Variants in SGCD observed in about 807,000 individuals in gnomAD.
SGCD encodes delta-sarcoglycan.
Under a neutral mutation model 36.6 loss-of-function variants are expected in SGCD, and 18 were observed. The ratio of observed to expected loss-of-function variants is 0.49; its 90% CI spans 0.34 to 0.73. The LOEUF (loss-of-function observed/expected upper bound fraction) is 0.73. Ranked by LOEUF, SGCD falls within the 30% of genes least tolerant of loss-of-function variation. The probability of loss-of-function intolerance (pLI) is 0.01; values close to 1 mark genes in which losing one functional copy is unlikely to be tolerated. For synonymous variants in SGCD, 133 were observed against 130.6 expected (o/e 1.02, Z -0.12); for missense variants, 387 against 346.7 (o/e 1.12, Z -0.92).
At chr5:156,077,240 T>C (rs76838101) in intron 1 of SGCD, among the ~76,000 whole-genome samples, 12,780 of 152,192 alleles carry the variant, frequency 0.084, 1,697 homozygotes, top group African/African-American at 0.28. Context: ...CTCTTTCCTA[T>C]CCTTTAGGAC....
chr5:156,603,101 C>T (rs963196587), intron 6 of SGCD, among the ~76,000 whole-genome samples: 4 of 152,026 alleles, frequency 2.6e-5, no homozygotes, highest in African/African-American at 9.7e-5. Context: ...ACTTTTATTA[C>T]TGATTAAATT....
At chr5:156,035,487 A>G (rs146184339) in intron 1 of SGCD, among the ~76,000 whole-genome samples, 340 of 152,172 alleles carry the variant, frequency 2.2e-3, no homozygotes, top group African/African-American at 7.6e-3. Context: ...GCACATGCCT[A>G]TATTTGCAGT....
chr5:156,299,826 CT>C (rs1208865477), intron 3 of SGCD, among the ~76,000 whole-genome samples: 2 of 151,968 alleles, frequency 1.3e-5, no homozygotes. Context: ...CAGTTCTAAT[CT>C]TTTTTTGGTG....
chr5:156,157,655 T>C (rs1455326787), intron 3 of SGCD, among the ~76,000 whole-genome samples: 1 of 151,792 alleles, frequency 6.6e-6, no homozygotes, highest in Non-Finnish European at 1.5e-5. Flanking sequence ...TTCTCCATTC[T>C]GGTTGTCTTC....
chr5:156,391,696 A>G (rs1278674414), intron 3 of SGCD, among the ~76,000 whole-genome samples: 3 of 152,316 alleles, frequency 2.0e-5, no homozygotes, highest in Non-Finnish European at 4.4e-5. Context: ...GCATCTGTGG[A>G]TTTTGGTATC....
At chr5:156,580,854 A>G (rs117914004) in intron 4 of SGCD, among the ~76,000 whole-genome samples, 3,124 of 152,244 alleles carry the variant, frequency 0.021, 129 homozygotes, top group East Asian at 0.17. Flanking sequence ...ACATCCTCCT[A>G]TAGCTCGGAG....
chr5:155,981,304 A>T (rs886281573), intron 1 of SGCD, among the ~76,000 whole-genome samples: 2 of 152,158 alleles, frequency 1.3e-5, no homozygotes, highest in African/African-American at 4.8e-5. Flanking sequence ...TTAGGTCCAG[A>T]TGTGTCTGCT....
chr5:155,904,674 T>C (rs945059899), intron 1 of SGCD, among the ~76,000 whole-genome samples: 1 of 152,186 alleles, frequency 6.6e-6, no homozygotes, highest in Non-Finnish European at 1.5e-5. Flanking sequence ...GACAGATATA[T>C]GCCTGTTGAC....
chr5:155,881,716 C>G (rs2113296632), intron 1 of SGCD, among the ~76,000 whole-genome samples: 2 of 152,326 alleles, frequency 1.3e-5, no homozygotes, highest in Middle Eastern at 6.8e-3. Context: ...AGTAAATCTT[C>G]TTTCAAAATT....
At chr5:156,166,463 C>T (rs983011919) in intron 3 of SGCD, among the ~76,000 whole-genome samples, 3 of 152,092 alleles carry the variant, frequency 2.0e-5, no homozygotes, top group Non-Finnish European at 4.4e-5. Context: ...ACTACAGATG[C>T]CAGACACCAC....
chr5:156,259,539 C>T lies in SGCD; in HGVS notation c.-43-69995C>T, dbSNP rs76069586. 9.1e-3 allele frequency among the ~76,000 whole-genome samples: 1,377 copies of T among 151,904 alleles called. 15 individuals are homozygous for T. The highest frequency in any genetic ancestry group is 0.032 in the African/African-American group (1,329 of 41,416). On this transcript the variant is annotated intron_variant, in intron 3 of 9. Coordinates refer to the SGCD transcript ENST00000517913. ...TAAACATTGCAAATATATTCTTGTT[C>T]ATTTTTTTACAGCTTTATGGTTTGG...
At chr5:155,957,114 A>AG (rs35903957) in intron 1 of SGCD, among the ~76,000 whole-genome samples, 45,295 of 151,834 alleles carry the variant, frequency 0.3, 8,530 homozygotes, top group African/African-American at 0.5. Flanking sequence ...TTCACTGAGA[A>AG]TGACATTTGA....
rs562096805 is a variant in SGCD at position 155,980,026 on chromosome 5, G to A, written c.-282+109602G>A. On this transcript the variant is annotated intron_variant, in intron 1 of 9. Coordinates refer to the SGCD transcript ENST00000517913. The stretch of plus-strand genomic sequence containing the variant: ...TCCAAATTGCATTTTGACATTAGAA[G>A]GGGATATAGAGACCAGAGCTCTCTC... 1.1e-4 allele frequency among the ~76,000 whole-genome samples: 16 copies of A among 152,214 alleles called. No homozygotes were observed. In the South Asian group the frequency reaches 3.1e-3, roughly 30 times the overall value.
intron 1 of SGCD, among the ~76,000 whole-genome samples, chr5:156,117,555 G>T (rs1761933806): frequency 6.6e-6 from 1 of 152,142 alleles, no homozygotes; most frequent in African/African-American, 2.4e-5. Flanking sequence ...ATTTGACAAT[G>T]AATATTGGCA....
At chr5:156,405,949 A>T (rs1478294863) in intron 3 of SGCD, among the ~76,000 whole-genome samples, 1 of 146,828 alleles carries the variant, frequency 6.8e-6, no homozygotes, top group Non-Finnish European at 1.5e-5. Flanking sequence ...ATTGATCAAC[A>T]CGCCTCTTGG....
At chr5:156,159,184 G>C (rs1434308964) in intron 3 of SGCD, among the ~76,000 whole-genome samples, 1 of 151,568 alleles carries the variant, frequency 6.6e-6, no homozygotes, top group Non-Finnish European at 1.5e-5. Flanking sequence ...AATAACCAAA[G>C]AGCCTTAAAA....
chr5:156,615,547 C>T (rs190705366), intron 6 of SGCD, among the ~76,000 whole-genome samples: 2 of 152,160 alleles, frequency 1.3e-5, no homozygotes, highest in Admixed American at 6.5e-5. Flanking sequence ...TCTACTGCAA[C>T]GTGGCAAATG....
intron 1 of SGCD, among the ~76,000 whole-genome samples, chr5:155,971,865 A>T (rs1429662882): frequency 1.3e-5 from 2 of 152,152 alleles, no homozygotes; most frequent in Non-Finnish European, 2.9e-5. Context: ...GTTTATAGGT[A>T]AACTGATGCT....
chr5:155,968,850 C>G (rs1282560808), intron 1 of SGCD, among the ~76,000 whole-genome samples: 2 of 152,066 alleles, frequency 1.3e-5, no homozygotes, highest in African/African-American at 4.8e-5. Context: ...GATATTTTTA[C>G]AGGAATGAAC....
Sources: gnomAD v4.1 joint callset for allele counts (sites outside exome capture counted in the v4.1 genomes callset) on GRCh38, gnomAD v4.1.1 for gene constraint, MANE v1.5 for transcripts, NCBI Gene and HGNC (gene_info 2026-07-23, HGNC 2026-07-21) for gene names.